Variants in MDGA2 observed in about 807,000 individuals in gnomAD.
MDGA2 encodes the protein MAM domain-containing glycosylphosphatidylinositol anchor protein 2.
In MDGA2, 40 loss-of-function variants were observed where a neutral mutation model predicts 117.8. The observed-to-expected ratio is 0.34, with a 90% CI of 0.26 to 0.44. The LOEUF (loss-of-function observed/expected upper bound fraction) is 0.44. Ranked by LOEUF, MDGA2 falls within the 20% of genes least tolerant of loss-of-function variation. MDGA2 has a pLI of 1.00. For synonymous variants in MDGA2, 452 were observed against 439.0 expected (o/e 1.03, Z -0.37); for missense variants, 1,123 against 1,250.6 (o/e 0.90, Z 1.54).
chr14:47,459,706 C>T (rs1893443506), intron 1 of MDGA2, among the ~76,000 whole-genome samples: 1 of 151,918 alleles, frequency 6.6e-6, no homozygotes, highest in Non-Finnish European at 1.5e-5. Flanking sequence ...GAAAGGAAAA[C>T]TTCAAATTAA....
chr14:47,301,295 CCACACACACA>C lies in MDGA2; in HGVS notation c.420+106_420+115del, dbSNP rs71112491. 98 of 951,362 alleles carry C rather than the reference CCACACACACA, an allele frequency of 1.0e-4. 1 individual carries two copies. Among genetic ancestry groups the C allele is most frequent in the Middle Eastern group, 7.1e-4 (2 of 2,800 alleles). The allele number at this position is 951,362 out of a possible 1,614,324, so 58.9% of individuals were successfully genotyped here. A position where few individuals can be genotyped will look rare whatever the true frequency, so the allele number is the denominator to read the frequency against. ...TACACACACACACACCCACACCCACCCACACACACACACACACACACACACAGTTTTAGCT... is the reference window on the plus strand; with the variant it reads ...TACACACACACACACCCACACCCACCCACACACACACACACAGTTTTAGCT... On this transcript the variant is annotated intron_variant, in intron 2 of 16. Coordinates refer to ENST00000399232, the MANE Select transcript of MDGA2 (RefSeq NM_001113498.3).
chr14:47,425,242 C>T (rs535549713), intron 1 of MDGA2, among the ~76,000 whole-genome samples: 1 of 152,228 alleles, frequency 6.6e-6, no homozygotes, highest in East Asian at 1.9e-4. Flanking sequence ...ACATTACAAA[C>T]TTCAGATTTG....
intron 1 of MDGA2, among the ~76,000 whole-genome samples, chr14:47,635,114 A>G (rs1897301560): frequency 6.6e-6 from 1 of 152,112 alleles, no homozygotes; most frequent in African/African-American, 2.4e-5. Flanking sequence ...GGCAGGTGGT[A>G]AACAATATTT....
chr14:47,032,138 T>G (rs1891255), intron 8 of MDGA2, among the ~76,000 whole-genome samples: 38,888 of 152,040 alleles, frequency 0.26, 5,230 homozygotes, highest in African/African-American at 0.29. Context: ...ATGATGGACT[T>G]AATTGCTAAG....
At chr14:47,590,174 ATTTC>A (rs1375543693) in intron 1 of MDGA2, among the ~76,000 whole-genome samples, 1 of 151,804 alleles carries the variant, frequency 6.6e-6, no homozygotes, top group East Asian at 1.9e-4. Flanking sequence ...TCTAGATACC[ATTTC>A]TTTCTTTCTT....
rs180730888 is a variant in MDGA2 at position 47,120,862 on chromosome 14, A to T, written c.925+10852T>A. 1.4e-3 allele frequency among the ~76,000 whole-genome samples: 220 copies of T among 152,294 alleles called. 1 individual carries two copies. Among genetic ancestry groups the T allele is most frequent in the African/African-American group, 5.0e-3 (208 of 41,566 alleles). ...AGAGTCATTTTTTTCTGATTTAATT[A>T]AAAGCTCCACGTAAACCAATGTGGA... On this transcript the variant is annotated intron_variant, in intron 5 of 16. Coordinates refer to ENST00000399232, the MANE Select transcript of MDGA2 (RefSeq NM_001113498.3).
intron 6 of MDGA2, among the ~76,000 whole-genome samples, chr14:47,087,038 C>T (rs1291991345): frequency 1.3e-5 from 2 of 152,138 alleles, no homozygotes; most frequent in Non-Finnish European, 2.9e-5. Context: ...GCATCACTTG[C>T]ATTTATTTTC....
At chr14:46,934,750 G>T (rs2138560912) in intron 9 of MDGA2, among the ~76,000 whole-genome samples, 1 of 152,162 alleles carries the variant, frequency 6.6e-6, no homozygotes, top group East Asian at 1.9e-4. Flanking sequence ...TACAGCAAAT[G>T]CTGTAAGAAC....
rs148051946 is a variant in MDGA2 at position 47,012,373 on chromosome 14, A to G, written c.1819+22638T>C. Among the ~76,000 whole-genome samples the G allele has an allele frequency of 5.9e-4, 90 of 152,214 alleles. 2 individuals carry two copies. The highest frequency in any genetic ancestry group is 2.1e-3 in the African/African-American group (86 of 41,556). On this transcript the variant is annotated intron_variant, in intron 8 of 16. Transcript: ENST00000399232. ...CACTGATTTATTATATCATTTAGTA[A>G]TTTTTTATTAATAGTTCATTTTCAA...
At chr14:47,632,877 G>A (rs1009403272) in intron 1 of MDGA2, among the ~76,000 whole-genome samples, 2 of 151,474 alleles carry the variant, frequency 1.3e-5, no homozygotes, top group Non-Finnish European at 2.9e-5. Context: ...AACTCGGCCT[G>A]TGTTTGAACT....
chr14:47,295,174 A>G lies in MDGA2; in HGVS notation c.420+6237T>C, dbSNP rs1332807485. Among the ~76,000 whole-genome samples the G allele has an allele frequency of 2.6e-5, 4 of 152,226 alleles. No individual in the cohort carries two copies. The East Asian group carries it at 5.8e-4, about 22-fold the overall frequency. ...CAAATGAAATCTTACCCAGAAAGCC[A>G]GCATATAAAAAGAAGAAAAGCAGAG... On this transcript the variant is annotated intron_variant, in intron 2 of 16. Transcript: ENST00000399232.
At chr14:47,273,138 A>G (rs1040360241) in intron 2 of MDGA2, among the ~76,000 whole-genome samples, 4 of 152,112 alleles carry the variant, frequency 2.6e-5, no homozygotes, top group Non-Finnish European at 4.4e-5. Flanking sequence ...ATTTTGGTGG[A>G]ACAAAGAGTT....
rs35801678 is a variant in MDGA2, at chr14:47,079,727, A to ATTTTTTTTTTT, written c.1195+17116_1195+17126dup. ...ATTTGTTTCAGCCGATTTTCTACTAATTTTTTTTTTTTTTTTTTTTTTGAG... is the reference window on the plus strand; with the variant it reads ...ATTTGTTTCAGCCGATTTTCTACTAATTTTTTTTTTTTTTTTTTTTTTTTTTTTTTTTTGAG... On this transcript the variant is annotated intron_variant, in intron 6 of 16. Coordinates refer to ENST00000399232, the MANE Select transcript of MDGA2 (RefSeq NM_001113498.3). Among the ~76,000 whole-genome samples the ATTTTTTTTTTT allele has an allele frequency of 8.5e-3, 677 of 80,054 alleles. 111 individuals carry two copies. The highest frequency in any genetic ancestry group is 0.075 in the East Asian group (144 of 1,912). The allele number at this position is 80,054 out of a possible 152,430, so 52.5% of individuals were successfully genotyped here.
chr14:47,563,259 G>T (rs960409489), intron 1 of MDGA2, among the ~76,000 whole-genome samples: 2 of 152,062 alleles, frequency 1.3e-5, no homozygotes, highest in Non-Finnish European at 2.9e-5. Flanking sequence ...GGTCAATTTT[G>T]TCAAATGTCA....
chr14:47,064,807 T>C (rs895500328), intron 6 of MDGA2, among the ~76,000 whole-genome samples: 1 of 152,110 alleles, frequency 6.6e-6, no homozygotes, highest in African/African-American at 2.4e-5. Context: ...GCTCTCTTTT[T>C]CCGTGAACAA....
At chr14:47,348,356 C>T (rs1432710467) in intron 1 of MDGA2, among the ~76,000 whole-genome samples, 2 of 151,930 alleles carry the variant, frequency 1.3e-5, no homozygotes, top group African/African-American at 2.4e-5. Context: ...AGATTACAGG[C>T]GTGTGACACC....
At chr14:47,139,767 T>C (rs959037389) in intron 4 of MDGA2, among the ~76,000 whole-genome samples, 1 of 147,400 alleles carries the variant, frequency 6.8e-6, no homozygotes. Context: ...AGGTTATATA[T>C]ACATATATAC....
intron 1 of MDGA2, among the ~76,000 whole-genome samples, chr14:47,394,058 T>C (rs2138444108): frequency 6.6e-6 from 1 of 152,158 alleles, no homozygotes; most frequent in Non-Finnish European, 1.5e-5. Context: ...CTCCCTTTTT[T>C]CCCCTTATGA....
chr14:46,912,090 T>TGCAATCTCC (rs1282642700), intron 10 of MDGA2, among the ~76,000 whole-genome samples: 1 of 152,160 alleles, frequency 6.6e-6, no homozygotes, highest in African/African-American at 2.4e-5. Flanking sequence ...AGGGAGAATA[T>TGCAATCTCC]GCAATCTCCA....
Sources: allele counts gnomAD v4.1 joint callset (sites outside exome capture counted in the v4.1 genomes callset), GRCh38; gene constraint gnomAD v4.1.1; transcripts MANE v1.5; gene names NCBI Gene and HGNC (gene_info 2026-07-23, HGNC 2026-07-21).